KCNC2: variants seen among roughly 807,000 people sequenced by gnomAD.
KCNC2 encodes voltage-gated potassium channel KCNC2.
KCNC2 carries 21 observed loss-of-function variants against 44.5 expected under a neutral mutation model. The observed-to-expected ratio is 0.47, with a 90% CI of 0.33 to 0.68. The LOEUF is 0.68. KCNC2 is among the 30% of genes least tolerant of loss of function. The pLI is 0.01. For missense variants in KCNC2, 589 were observed against 826.2 expected (o/e 0.71, Z 3.52); for synonymous variants, 391 against 339.1 (o/e 1.15, Z -1.68).
chr12:75,202,144 T>C (rs2031335054), intron 2 of KCNC2, among the ~76,000 whole-genome samples: 1 of 151,902 alleles, frequency 6.6e-6, no homozygotes, highest in Non-Finnish European at 1.5e-5. Context: ...TAAAAAACTT[T>C]CCTTGTCTTT....
intron 2 of KCNC2, among the ~76,000 whole-genome samples, chr12:75,160,491 C>T (rs1316386384): frequency 5.9e-5 from 9 of 151,782 alleles, no homozygotes. Context: ...AGTTCCCAGG[C>T]CAGGGTTCAA....
intron 2 of KCNC2, among the ~76,000 whole-genome samples, chr12:75,144,150 C>T (rs1323463494): frequency 6.6e-6 from 1 of 152,094 alleles, no homozygotes; most frequent in Non-Finnish European, 1.5e-5. Flanking sequence ...ATTTGTATTG[C>T]CTGATGAATA....
At chr12:75,085,455 A>G (rs566392645) in intron 2 of KCNC2, among the ~76,000 whole-genome samples, 32 of 152,138 alleles carry the variant, frequency 2.1e-4, no homozygotes, top group African/African-American at 7.2e-4. Flanking sequence ...TATGCATTTT[A>G]TATTGATTAT....
chr12:75,180,544 T>C (rs976909127), intron 2 of KCNC2, among the ~76,000 whole-genome samples: 4 of 151,894 alleles, frequency 2.6e-5, no homozygotes, highest in Admixed American at 2.0e-4. Flanking sequence ...TTTTATTTGT[T>C]TCAATAATCA....
At chr12:75,106,556 T>C (rs1029068102) in intron 2 of KCNC2, among the ~76,000 whole-genome samples, 3 of 152,120 alleles carry the variant, frequency 2.0e-5, no homozygotes, top group Admixed American at 1.3e-4. Flanking sequence ...AGTTCATTCA[T>C]AGAAATAGGA....
At chr12:75,139,415 A>G (rs1007046322) in intron 2 of KCNC2, among the ~76,000 whole-genome samples, 2 of 152,236 alleles carry the variant, frequency 1.3e-5, no homozygotes, top group African/African-American at 2.4e-5. Context: ...TCTGCTTTAA[A>G]AACAGCAGCG....
intron 2 of KCNC2, among the ~76,000 whole-genome samples, chr12:75,051,685 C>A (rs1055915159): frequency 6.6e-6 from 1 of 151,922 alleles, no homozygotes; most frequent in Non-Finnish European, 1.5e-5. Flanking sequence ...AGTTTATGAT[C>A]CTAGAAATCT....
intron 2 of KCNC2, among the ~76,000 whole-genome samples, chr12:75,191,146 A>G (rs1468157400): frequency 6.6e-6 from 1 of 152,060 alleles, no homozygotes; most frequent in Non-Finnish European, 1.5e-5. Context: ...ATGAACATGT[A>G]GGACCTATAT....
chr12:75,116,011 A>G (rs1009030761), intron 2 of KCNC2, among the ~76,000 whole-genome samples: 6 of 152,202 alleles, frequency 3.9e-5, no homozygotes, highest in African/African-American at 1.4e-4. Context: ...AGTGCCGAAT[A>G]AATACTAAGT....
intron 2 of KCNC2, among the ~76,000 whole-genome samples, chr12:75,096,137 G>T (rs556445829): frequency 2.0e-5 from 3 of 151,940 alleles, no homozygotes; most frequent in Admixed American, 6.6e-5. Context: ...ACCACAGTTG[G>T]CACTTACATT....
intron 2 of KCNC2, among the ~76,000 whole-genome samples, chr12:75,116,416 A>G (rs1406796963): frequency 2.0e-5 from 3 of 152,194 alleles, no homozygotes; most frequent in Non-Finnish European, 4.4e-5. Flanking sequence ...CTCCAGAAAG[A>G]AGACTATAAA....
chr12:75,158,264 AT>A (rs1468548263), intron 2 of KCNC2, among the ~76,000 whole-genome samples: 4 of 151,950 alleles, frequency 2.6e-5, no homozygotes, highest in Admixed American at 1.3e-4. Context: ...TGTTGTTCTA[AT>A]TTTCAGAACC....
intron 2 of KCNC2, among the ~76,000 whole-genome samples, chr12:75,096,652 C>T (rs1216440240): frequency 2.0e-5 from 3 of 151,940 alleles, no homozygotes; most frequent in Admixed American, 1.3e-4. Context: ...TGGTAATAAA[C>T]AGCAGAGGAA....
intron 2 of KCNC2, among the ~76,000 whole-genome samples, chr12:75,145,999 G>T (rs1486037979): frequency 6.7e-6 from 1 of 149,680 alleles, no homozygotes; most frequent in East Asian, 1.9e-4. Context: ...TGTTGCCCAG[G>T]CTTGAGTGCA....
chr12:75,191,684 G>A (rs994124386), intron 2 of KCNC2, among the ~76,000 whole-genome samples: 1 of 150,402 alleles, frequency 6.6e-6, no homozygotes, highest in African/African-American at 2.4e-5. Context: ...CCGAGTAGCT[G>A]GGACTACAGG....
chr12:75,144,307 GCT>G (rs1423135192), intron 2 of KCNC2, among the ~76,000 whole-genome samples: 3 of 152,140 alleles, frequency 2.0e-5, no homozygotes, highest in African/African-American at 7.2e-5. Context: ...AACACGGTAG[GCT>G]TATCATGCAT....
At chr12:75,085,547 C>T (rs1393227073) in intron 2 of KCNC2, among the ~76,000 whole-genome samples, 8 of 152,158 alleles carry the variant, frequency 5.3e-5, no homozygotes, top group East Asian at 3.9e-4. Flanking sequence ...AATTAGGAAG[C>T]GGCAGAACCA....
chr12:75,107,451 CTATG>C (rs1162355598), intron 2 of KCNC2, among the ~76,000 whole-genome samples: 1 of 151,984 alleles, frequency 6.6e-6, no homozygotes, highest in Non-Finnish European at 1.5e-5. Flanking sequence ...TTTTCAGCGT[CTATG>C]TGTTATCTGA....
intron 2 of KCNC2, among the ~76,000 whole-genome samples, chr12:75,068,410 C>T (rs1883050376): frequency 6.6e-6 from 1 of 152,210 alleles, no homozygotes; most frequent in Non-Finnish European, 1.5e-5. Flanking sequence ...GCAGTGGCAG[C>T]AGCCATCAGG....
Sources: allele counts gnomAD v4.1 joint callset (sites outside exome capture counted in the v4.1 genomes callset), GRCh38; gene constraint gnomAD v4.1.1; transcripts MANE v1.5; gene names NCBI Gene and HGNC (gene_info 2026-07-23, HGNC 2026-07-21).